The following NR2C2 variants were observed in gnomAD, a reference collection of about 807,000 sequenced individuals.
NR2C2 encodes Nuclear hormone receptor TR4.
A neutral mutation model predicts 62.9 loss-of-function variants in NR2C2; 6 were observed. The ratio of observed to expected loss-of-function variants is 0.10; its 90% confidence interval spans 0.05 to 0.19. The LOEUF is 0.19. NR2C2 is among the 10% of genes least tolerant of loss of function. The pLI, the probability that NR2C2 is intolerant of heterozygous loss-of-function variation, is 1.00. For synonymous variants in NR2C2, 272 were observed against 273.8 expected, an observed-to-expected ratio of 0.99 and a Z score of 0.07; for missense variants, 479 against 762.7, an observed-to-expected ratio of 0.63 and a Z score of 4.38.
chr3:14,972,153 C>G (rs2040061025), intron 1 of NR2C2, among the ~76,000 whole-genome samples: 1 of 138,780 alleles, frequency 7.2e-6, no homozygotes, highest in African/African-American at 2.6e-5. Context: ...CATTCTCTCT[C>G]TTTTTTTTTT....
intron 1 of NR2C2, among the ~76,000 whole-genome samples, chr3:14,994,749 CT>C (rs1189531290): frequency 2.5e-5 from 3 of 117,744 alleles, no homozygotes; most frequent in Non-Finnish European, 3.6e-5. Flanking sequence ...CCTATTCATT[CT>C]TTAAAAAAAA....
intron 7 of NR2C2, among the ~76,000 whole-genome samples, chr3:15,027,839 CCTT>C (rs2041865863): frequency 6.6e-6 from 1 of 151,874 alleles, no homozygotes; most frequent in Non-Finnish European, 1.5e-5. Context: ...CTCAAGGGAT[CCTT>C]CTGCTTTGCC....
At chr3:14,983,548 G>T (rs77774474) in intron 1 of NR2C2, among the ~76,000 whole-genome samples, 1,665 of 152,104 alleles carry the variant, frequency 0.011, 26 homozygotes, top group African/African-American at 0.037. Flanking sequence ...GTTCATGAGT[G>T]AGATTAACTT....
In NR2C2 at chr3:15,042,817, GAC is replaced by G; in HGVS notation, c.1617-14_1617-13del. ...GCATCAAACAGTCTCCTTTTCTAAT[GAC>G]ACTCCCTTTTATAGATTGGCCCGGA... On this transcript the variant is annotated splice_polypyrimidine_tract_variant and intron_variant, in intron 13 of 13. Transcript: ENST00000425241. 1.2e-6 allele frequency: 2 copies of G among 1,610,212 alleles called. No individual in the cohort carries two copies. Among genetic ancestry groups the G allele is most frequent in the African/African-American group, 2.7e-5 (2 of 74,930 alleles).
At chr3:15,023,086 T>C (rs1034919106) in intron 5 of NR2C2, 114 bp from the exon 6 acceptor site, 55 of 1,179,868 alleles carry the variant, frequency 4.7e-5, no homozygotes, top group Non-Finnish European at 6.4e-5. Context: ...CTGAGCTAGA[T>C]GAACCTAGCA....
At chr3:15,034,100 G>A (rs1437108654) in intron 10 of NR2C2, among the ~76,000 whole-genome samples, 3 of 152,228 alleles carry the variant, frequency 2.0e-5, no homozygotes, top group African/African-American at 7.2e-5. Context: ...GAATAAGGAT[G>A]TATTGTTTTG....
chr3:14,983,911 G>T lies in NR2C2; in HGVS notation c.-39-19965G>T, dbSNP rs145852527. The stretch of plus-strand genomic sequence containing the variant: ...TATTATATTTTTTTATTTTTGAGAT[G>T]GAGTTTCACTCCTGTTGCCAAGGTT... On this transcript the variant is annotated intron_variant, in intron 1 of 13. Transcript: ENST00000425241. 4.8e-3 allele frequency among the ~76,000 whole-genome samples: 727 copies of T among 152,084 alleles called. 2 individuals carry two copies. The highest frequency in any genetic ancestry group is 0.017 in the African/African-American group (694 of 41,512).
chr3:15,017,326 C>A (rs2041538419), intron 4 of NR2C2, among the ~76,000 whole-genome samples: 1 of 152,150 alleles, frequency 6.6e-6, no homozygotes, highest in South Asian at 2.1e-4. Flanking sequence ...CCCCAGTAGG[C>A]AGATAGACAG....
chr3:14,981,597 T>C (rs62241843), intron 1 of NR2C2, among the ~76,000 whole-genome samples: 36,604 of 137,384 alleles, frequency 0.27, 5,473 homozygotes, highest in African/African-American at 0.39. Context: ...AGCGAGGCTC[T>C]GTCTCAAAAA....
Position 15,043,139 on chromosome 3 carries a change from T to G in NR2C2, c.*131T>G. On this transcript the variant is annotated 3_prime_UTR_variant, in exon 14 of 14. Coordinates refer to ENST00000425241, the MANE Select transcript of NR2C2 (RefSeq NM_001291694.2). ...CCATTTCCTGTCTGGTTTCTCCTTA[T>G]CTGTTAATCCCAGACAATAGCAATT... 1.3e-6 allele frequency: 1 copy of G among 788,548 alleles called. No homozygotes were observed. The highest frequency in any genetic ancestry group is 3.0e-5 in the East Asian group (1 of 33,264). The allele number at this position is 788,548 out of a possible 1,614,324, so 48.8% of individuals were successfully genotyped here.
chr3:14,973,460 C>T, intron 1 of NR2C2, among the ~76,000 whole-genome samples: 1 of 152,132 alleles, frequency 6.6e-6, no homozygotes, highest in African/African-American at 2.4e-5. Context: ...TCTTGAACTC[C>T]TGGGCTCAAG....
intron 12 of NR2C2, chr3:15,038,490 C>A: frequency 5.3e-6 from 1 of 190,160 alleles, no homozygotes; most frequent in South Asian, 1.2e-4. Context: ...TTTGTTAGCG[C>A]ATATAATCCA....
intron 2 of NR2C2, among the ~76,000 whole-genome samples, chr3:15,005,359 C>T (rs999554806): frequency 6.3e-5 from 9 of 142,630 alleles, no homozygotes; most frequent in South Asian, 2.2e-4. Context: ...GATACACACA[C>T]GCATAATGCT....
chr3:15,004,713 A>G (rs374478005), intron 2 of NR2C2: 14 of 1,366,286 alleles, frequency 1.0e-5, no homozygotes, highest in East Asian at 4.8e-5. Context: ...CAAAAAGCCA[A>G]TTATAACGGT....
chr3:15,009,393 C>A (rs1449633663), intron 2 of NR2C2, among the ~76,000 whole-genome samples: 1 of 152,134 alleles, frequency 6.6e-6, no homozygotes, highest in African/African-American at 2.4e-5. Flanking sequence ...CACTGAGTAT[C>A]CCTGCATGGA....
chr3:14,987,355 T>G (rs2040540746), intron 1 of NR2C2, among the ~76,000 whole-genome samples: 1 of 152,154 alleles, frequency 6.6e-6, no homozygotes, highest in Non-Finnish European at 1.5e-5. Context: ...AGTGCTGGGA[T>G]TAGAGGTATG....
At chr3:14,963,168 C>T (rs2125253904) in intron 1 of NR2C2, among the ~76,000 whole-genome samples, 1 of 152,294 alleles carries the variant, frequency 6.6e-6, no homozygotes, top group Admixed American at 6.5e-5. Flanking sequence ...TTGGTATGTG[C>T]AGGCAACTTG....
At chr3:15,000,212 C>G (rs1373947903) in intron 1 of NR2C2, among the ~76,000 whole-genome samples, 3 of 152,102 alleles carry the variant, frequency 2.0e-5, no homozygotes, top group Admixed American at 2.0e-4. Context: ...CCATTTTACT[C>G]TGGTTTTATG....
At chr3:14,980,275 C>T (rs1183502462) in intron 1 of NR2C2, among the ~76,000 whole-genome samples, 2 of 150,596 alleles carry the variant, frequency 1.3e-5, no homozygotes, top group Non-Finnish European at 2.9e-5. Context: ...CTCAGCCTTC[C>T]AAGGAGCTAG....
Sources: allele counts gnomAD v4.1 joint callset (sites outside exome capture counted in the v4.1 genomes callset), GRCh38; gene constraint gnomAD v4.1.1; transcripts MANE v1.5; gene names NCBI Gene and HGNC (gene_info 2026-07-23, HGNC 2026-07-21).